Variants in MACROD2 observed in about 807,000 individuals in gnomAD.
MACROD2 encodes mono-ADP ribosylhydrolase 2.
In MACROD2, 36 loss-of-function variants were observed where a neutral mutation model predicts 70.4. The observed-to-expected ratio is 0.51, with a 90% CI of 0.39 to 0.68. The LOEUF (loss-of-function observed/expected upper bound fraction) is 0.68. Ranked by LOEUF, MACROD2 falls within the 30% of genes least tolerant of loss-of-function variation. The pLI, the probability that MACROD2 is intolerant of heterozygous loss-of-function variation, is 0.00. For missense variants in MACROD2, 496 were observed against 538.4 expected, an observed-to-expected ratio of 0.92 and a Z score of 0.78; for synonymous variants, 172 against 178.8, an observed-to-expected ratio of 0.96 and a Z score of 0.30.
chr20:16,025,371 GT>G (rs1568718099), intron 15 of MACROD2, among the ~76,000 whole-genome samples: 1 of 152,208 alleles, frequency 6.6e-6, no homozygotes, highest in Non-Finnish European at 1.5e-5. Context: ...AAGAACATCT[GT>G]TTGTTGTCAA....
intron 5 of MACROD2, among the ~76,000 whole-genome samples, chr20:15,107,381 A>G (rs73096060): frequency 0.074 from 11,215 of 152,136 alleles, 485 homozygotes; most frequent in Middle Eastern, 0.16. Context: ...AAAAACTACC[A>G]TTTGTTGTCA....
chr20:15,871,106 G>T (rs1200827299), intron 9 of MACROD2, among the ~76,000 whole-genome samples: 1 of 148,600 alleles, frequency 6.7e-6, no homozygotes, highest in East Asian at 2.0e-4. Flanking sequence ...AACCCGAGAG[G>T]TGGAGGTTGC....
rs185271341 is a variant in MACROD2, at chr20:15,040,925, A to G, written c.419-189015A>G. Among the ~76,000 whole-genome samples the G allele has an allele frequency of 4.4e-4, 67 of 152,316 alleles. No homozygotes were observed. The Middle Eastern group carries it at 0.01, about 23-fold the overall frequency. On this transcript the variant is annotated intron_variant, in intron 5 of 17. Coordinates refer to ENST00000684519, the MANE Select transcript of MACROD2 (RefSeq NM_001351661.2). ...CCTTTTCTCAACTCCTTGTATAGAGATAGTTTTCCAGAAGTATTAATGATT... is the reference window on the plus strand; with the variant it reads ...CCTTTTCTCAACTCCTTGTATAGAGGTAGTTTTCCAGAAGTATTAATGATT...
At chr20:15,490,115 T>C (rs1366876225) in intron 7 of MACROD2, among the ~76,000 whole-genome samples, 2 of 146,598 alleles carry the variant, frequency 1.4e-5, no homozygotes, top group Non-Finnish European at 3.0e-5. Flanking sequence ...CACCATACTT[T>C]GCACACCTCT....
intron 5 of MACROD2, among the ~76,000 whole-genome samples, chr20:15,059,916 A>G (rs1219234823): frequency 6.6e-6 from 1 of 152,200 alleles, no homozygotes; most frequent in African/African-American, 2.4e-5. Flanking sequence ...GTATACTACT[A>G]GAAGTCAGAA....
At chr20:15,898,586 C>T (rs770090056) in intron 10 of MACROD2, among the ~76,000 whole-genome samples, 5 of 149,154 alleles carry the variant, frequency 3.4e-5, no homozygotes, top group South Asian at 2.2e-4. Flanking sequence ...TCTAGGTTCA[C>T]GTCCCAGACC....
intron 5 of MACROD2, among the ~76,000 whole-genome samples, chr20:15,091,306 A>G (rs952937816): frequency 3.9e-5 from 6 of 152,024 alleles, no homozygotes; most frequent in African/African-American, 1.4e-4. Context: ...TAAGATGGGG[A>G]TATGTATACA....
chr20:15,539,734 T>C (rs1417271281), intron 8 of MACROD2, among the ~76,000 whole-genome samples: 1 of 152,212 alleles, frequency 6.6e-6, no homozygotes, highest in African/African-American at 2.4e-5. Flanking sequence ...ATGCCTGTTA[T>C]CCCAGCACTT....
chr20:14,901,896 G>A lies in MACROD2; in HGVS notation c.418+216937G>A, dbSNP rs1406181973. 2.6e-5 allele frequency among the ~76,000 whole-genome samples: 4 copies of A among 152,210 alleles called. No homozygotes were observed. In the South Asian group the frequency reaches 8.3e-4, roughly 32 times the overall value. On this transcript the variant is annotated intron_variant, in intron 5 of 17. Transcript: ENST00000684519. ...TTGCTTTATTTGACTGTGGCCAAAG[G>A]TGGAAAAGGCCTTCTTAGATATTCT...
rs10626103 is a variant in MACROD2, at chr20:15,936,671, G to GTATATA, written c.839-793_839-788dup. Among the ~76,000 whole-genome samples the GTATATA allele has an allele frequency of 1.4e-3, 198 of 143,284 alleles. 5 individuals are homozygous for GTATATA. Among genetic ancestry groups the GTATATA allele is most frequent in the African/African-American group, 4.4e-3 (167 of 38,330 alleles). The allele number at this position is 143,284 out of a possible 152,430, so 94.0% of individuals were successfully genotyped here. ...TTTTGTCCATAATGTGTATATGTGT[G>GTATATA]TATATATATATATATATTCATTTTC... On this transcript the variant is annotated intron_variant, in intron 11 of 17. Coordinates refer to ENST00000684519, the MANE Select transcript of MACROD2 (RefSeq NM_001351661.2).
intron 8 of MACROD2, among the ~76,000 whole-genome samples, chr20:15,801,199 A>C (rs538648153): frequency 7.7e-5 from 11 of 143,718 alleles, no homozygotes; most frequent in African/African-American, 1.4e-4. Flanking sequence ...AAAAAAAAAA[A>C]AAAAACGAAA....
intron 8 of MACROD2, among the ~76,000 whole-genome samples, chr20:15,617,414 A>G (rs1349241768): frequency 6.6e-6 from 1 of 152,216 alleles, no homozygotes; most frequent in Non-Finnish European, 1.5e-5. Context: ...AATAAAGTTT[A>G]TGAACTAGAT....
At chr20:15,732,386 G>A (rs544724575) in intron 8 of MACROD2, among the ~76,000 whole-genome samples, 120 of 152,286 alleles carry the variant, frequency 7.9e-4, no homozygotes, top group African/African-American at 2.3e-3. Context: ...GGTTTCCTAG[G>A]AAATGGAGCA....
chr20:14,456,713 CTT>C (rs10696382), intron 3 of MACROD2, among the ~76,000 whole-genome samples: 6 of 101,130 alleles, frequency 5.9e-5, no homozygotes, highest in African/African-American at 1.8e-4. Flanking sequence ...GACTCAGGAT[CTT>C]TTTTTTTTTT....
chr20:14,317,004 T>A (rs889244885), intron 3 of MACROD2, among the ~76,000 whole-genome samples: 3 of 152,158 alleles, frequency 2.0e-5, no homozygotes, highest in Non-Finnish European at 4.4e-5. Context: ...TAGAATGAAG[T>A]TCAGACTCCT....
chr20:15,219,399 CATTTAAATAA>C (rs1242173243), intron 5 of MACROD2, among the ~76,000 whole-genome samples: 3 of 152,144 alleles, frequency 2.0e-5, no homozygotes, highest in African/African-American at 4.8e-5. Context: ...AACACTCACT[CATTTAAATAA>C]ATTTAAATAA....
chr20:15,171,280 C>T (rs1414161213), intron 5 of MACROD2, among the ~76,000 whole-genome samples: 1 of 151,646 alleles, frequency 6.6e-6, no homozygotes, highest in African/African-American at 2.4e-5. Context: ...CTATCTCTCT[C>T]CCTTTGTCTT....
intron 8 of MACROD2, among the ~76,000 whole-genome samples, chr20:15,631,877 C>T (rs146134332): frequency 4.6e-5 from 7 of 152,298 alleles, no homozygotes; most frequent in African/African-American, 1.4e-4. Flanking sequence ...GTGGCTCACG[C>T]CTGTAATCCC....
intron 6 of MACROD2, among the ~76,000 whole-genome samples, chr20:15,262,908 T>C (rs114179443): frequency 0.022 from 3,405 of 152,152 alleles, 141 homozygotes; most frequent in African/African-American, 0.077. Context: ...CTCTATAGTG[T>C]TGTTTGAGCT....
Sources: gnomAD v4.1 joint callset for allele counts (sites outside exome capture counted in the v4.1 genomes callset) on GRCh38, gnomAD v4.1.1 for gene constraint, MANE v1.5 for transcripts, NCBI Gene and HGNC (gene_info 2026-07-23, HGNC 2026-07-21) for gene names.